Variants in DMD observed in about 807,000 individuals in gnomAD.
DMD encodes the protein dystrophin.
Under a neutral mutation model 330.1 loss-of-function variants are expected in DMD, and 63 were observed. That is an observed-to-expected ratio of 0.19 (90% CI 0.16 to 0.24). DMD has a LOEUF of 0.24. Ranked by LOEUF, DMD falls within the 10% of genes least tolerant of loss-of-function variation. The pLI is 1.00. For synonymous variants in DMD, 1,223 were observed against 959.8 expected, an observed-to-expected ratio of 1.27 and a Z score of -5.07; for missense variants, 3,344 against 2,684.1, an observed-to-expected ratio of 1.25 and a Z score of -5.43.
intron 51 of DMD, among the ~76,000 whole-genome samples, chrX:31,733,701 T>G (rs2086670458): frequency 8.9e-6 from 1 of 111,903 alleles, no homozygotes; most frequent in Non-Finnish European, 1.9e-5. Flanking sequence ...AGGGTTTTAC[T>G]GGTGAGGATG....
At chrX:31,181,610 G>C (rs2041164223) in intron 68 of DMD, among the ~76,000 whole-genome samples, 1 of 111,848 alleles carries the variant, frequency 8.9e-6, no homozygotes, top group Non-Finnish European at 1.9e-5. Context: ...TTTGCAAGCA[G>C]TACCTACTCA....
intron 62 of DMD, among the ~76,000 whole-genome samples, chrX:31,284,404 T>C (rs1378767010): frequency 9.0e-6 from 1 of 111,177 alleles, no homozygotes; most frequent in Admixed American, 9.6e-5. Flanking sequence ...CTCTAGGGAC[T>C]TGAAACCTGG....
rs138324722 is a variant in DMD at position 32,962,623 on chromosome X, A to G, written c.93+57516T>C. ...GGGGTAGATTAATACAGACATTCACACACACCTCCACACATATGGGAAGGT... is the reference window on the plus strand; with the variant it reads ...GGGGTAGATTAATACAGACATTCACGCACACCTCCACACATATGGGAAGGT... On this transcript the variant is annotated intron_variant, in intron 2 of 78. Transcript: ENST00000357033. Among the ~76,000 whole-genome samples the G allele has an allele frequency of 2.4e-3, 270 of 111,674 alleles. 2 individuals carry two copies. The highest frequency in any genetic ancestry group is 8.6e-3 in the African/African-American group (263 of 30,755).
chrX:31,764,358 T>G (rs898981372), intron 51 of DMD, among the ~76,000 whole-genome samples: 1 of 111,629 alleles, frequency 9.0e-6, no homozygotes, highest in Non-Finnish European at 1.9e-5. Flanking sequence ...CAGGCTAATT[T>G]TTATGTAGAA....
intron 6 of DMD, among the ~76,000 whole-genome samples, chrX:32,814,845 G>C (rs889073256): frequency 2.7e-5 from 3 of 111,488 alleles, no homozygotes; most frequent in Non-Finnish European, 3.8e-5. Flanking sequence ...AAAAACGTTA[G>C]AGAGCCAACA....
At chrX:31,478,426 T>C (rs1188135119) in intron 58 of DMD, 52 bp from the exon 59 acceptor site, 7 of 1,199,603 alleles carry the variant, frequency 5.8e-6, no homozygotes, top group Middle Eastern at 2.4e-4. Context: ...TTTTTAAACA[T>C]TGTCAAAAAG....
intron 7 of DMD, among the ~76,000 whole-genome samples, chrX:32,728,139 C>T (rs1422116166): frequency 9.0e-6 from 1 of 111,068 alleles, no homozygotes; most frequent in Non-Finnish European, 1.9e-5. Flanking sequence ...ACATAGACTA[C>T]TCTTATGCTC....
chrX:31,618,800 T>C (rs1056860772), intron 55 of DMD, among the ~76,000 whole-genome samples: 3 of 112,017 alleles, frequency 2.7e-5, no homozygotes, highest in Non-Finnish European at 5.6e-5. Context: ...GTATTTCCAA[T>C]TTTGAATTTT....
At chrX:31,361,957 G>C (rs776091950) in intron 60 of DMD, among the ~76,000 whole-genome samples, 3 of 111,321 alleles carry the variant, frequency 2.7e-5, no homozygotes, top group East Asian at 2.8e-4. Context: ...TTTTAGAAGA[G>C]ATGGGGTTTC....
intron 17 of DMD, among the ~76,000 whole-genome samples, chrX:32,530,102 C>T (rs564863233): frequency 8.9e-6 from 1 of 111,785 alleles, no homozygotes; most frequent in Non-Finnish European, 1.9e-5. Context: ...TTAACATGTG[C>T]CTCAAAAGCT....
At chrX:31,576,632 A>C (rs116330880) in intron 55 of DMD, among the ~76,000 whole-genome samples, 7,476 of 111,197 alleles carry the variant, frequency 0.067, 212 homozygotes, top group African/African-American at 0.11. Context: ...TCAGCTTTCA[A>C]ATACTTTTTT....
chrX:31,889,661 ACACACACACACACACACACACG>A (rs1485380299), intron 47 of DMD, among the ~76,000 whole-genome samples: 1 of 76,008 alleles, frequency 1.3e-5, no homozygotes, highest in African/African-American at 5.8e-5. Context: ...ACACACACAC[ACACACACACACACACACACACG>A]CACACCACAG....
chrX:32,948,208 G>C (rs112370565), intron 2 of DMD, among the ~76,000 whole-genome samples: 2,066 of 109,676 alleles, frequency 0.019, 45 homozygotes, highest in African/African-American at 0.065. Flanking sequence ...CCTTGGGAAA[G>C]AAACTCTCTA....
chrX:32,398,581 T>A (rs73463846), intron 30 of DMD, among the ~76,000 whole-genome samples: 115 of 111,270 alleles, frequency 1.0e-3, no homozygotes, highest in African/African-American at 3.6e-3. Context: ...ACAGAACCGT[T>A]TAAAAATAAA....
At chrX:32,904,661 C>T (rs948426879) in intron 2 of DMD, among the ~76,000 whole-genome samples, 7 of 112,167 alleles carry the variant, frequency 6.2e-5, no homozygotes, top group African/African-American at 2.3e-4. Context: ...GCAACCTCCG[C>T]CTCCCGGGCT....
At chrX:31,178,007 C>G in intron 70 of DMD, 37 bp from the exon 71 acceptor site, 1 of 1,175,769 alleles carries the variant, frequency 8.5e-7, no homozygotes, top group Non-Finnish European at 1.2e-6. Flanking sequence ...AGGAGACACA[C>G]GCAAACTCAG....
intron 32 of DMD, among the ~76,000 whole-genome samples, chrX:32,387,351 C>T (rs751383778): frequency 9.1e-6 from 1 of 110,471 alleles, no homozygotes; most frequent in Admixed American, 9.6e-5. Context: ...AATATATGTA[C>T]GTGTGTGTAT....
chrX:32,809,112 A>G (rs771212109), intron 7 of DMD, among the ~76,000 whole-genome samples: 62 of 111,927 alleles, frequency 5.5e-4, no homozygotes, highest in African/African-American at 1.9e-3. Context: ...TATATGAATG[A>G]AATTGGCAAG....
chrX:31,132,241 C>T (rs1014331452), intron 77 of DMD, among the ~76,000 whole-genome samples: 2 of 112,358 alleles, frequency 1.8e-5, no homozygotes, highest in African/African-American at 6.5e-5. Flanking sequence ...ATCAGAGATA[C>T]TGACTGCTAA....
Sources: allele counts gnomAD v4.1 joint callset (sites outside exome capture counted in the v4.1 genomes callset), GRCh38; gene constraint gnomAD v4.1.1; transcripts MANE v1.5; gene names NCBI Gene and HGNC (gene_info 2026-07-23, HGNC 2026-07-21).